The following ASXL3 variants were observed in gnomAD, a reference collection of about 807,000 sequenced individuals.
ASXL3 encodes the protein putative Polycomb group protein ASXL3.
Under a neutral mutation model 170.6 loss-of-function variants are expected in ASXL3, and 34 were observed. That is an observed-to-expected ratio of 0.20 (90% CI 0.15 to 0.27). ASXL3 has a LOEUF of 0.27. Among genes scored for constraint, ASXL3 ranks in the 10% least tolerant of loss-of-function variants. The pLI is 1.00. For synonymous variants in ASXL3, 1,002 were observed against 989.1 expected (o/e 1.01, Z -0.24); for missense variants, 2,592 against 2,695.3 (o/e 0.96, Z 0.85).
At chr18:33,737,512 C>T (rs564911066) in intron 10 of ASXL3, among the ~76,000 whole-genome samples, 173 of 152,092 alleles carry the variant, frequency 1.1e-3, no homozygotes, top group Non-Finnish European at 1.5e-3. Flanking sequence ...TTTACAGTAC[C>T]CTTGATTGTA....
chr18:33,592,822 A>G (rs1043357443), intron 1 of ASXL3, among the ~76,000 whole-genome samples: 1 of 152,122 alleles, frequency 6.6e-6, no homozygotes, highest in Non-Finnish European at 1.5e-5. Flanking sequence ...TTCCTTCTCC[A>G]TTACATTAAA....
At chr18:33,664,550 G>A (rs972698853) in intron 5 of ASXL3, among the ~76,000 whole-genome samples, 6 of 152,172 alleles carry the variant, frequency 3.9e-5, no homozygotes, top group Non-Finnish European at 7.4e-5. Context: ...ATTAACCAGC[G>A]TAGACTCTTA....
At chr18:33,578,803 G>A (rs958446594) in intron 1 of ASXL3, 118 bp downstream of exon 1, 15 of 609,236 alleles carry the variant, frequency 2.5e-5, no homozygotes, top group Non-Finnish European at 3.1e-5. Context: ...CGCTCGCCGG[G>A]CTCCTGCTCT....
chr18:33,645,491 T>G (rs1322508158), intron 3 of ASXL3, among the ~76,000 whole-genome samples: 2 of 151,906 alleles, frequency 1.3e-5, no homozygotes. Flanking sequence ...TAATGCACAC[T>G]TGTATGAGAA....
At chr18:33,721,063 T>A (rs1031854528) in intron 8 of ASXL3, among the ~76,000 whole-genome samples, 10 of 152,050 alleles carry the variant, frequency 6.6e-5, no homozygotes, top group African/African-American at 9.7e-5. Context: ...CTTTCCTGAT[T>A]ATATATTCTG....
intron 5 of ASXL3, among the ~76,000 whole-genome samples, chr18:33,670,193 G>C (rs1162297821): frequency 6.6e-6 from 1 of 152,212 alleles, no homozygotes; most frequent in Non-Finnish European, 1.5e-5. Flanking sequence ...GGCTGAGTGA[G>C]TGCATCAATA....
intron 8 of ASXL3, among the ~76,000 whole-genome samples, chr18:33,693,418 G>A (rs4799711): frequency 0.51 from 77,350 of 151,850 alleles, 20,268 homozygotes; most frequent in East Asian, 0.87. Context: ...TTAGAAAAAC[G>A]AAGAAAAAAG....
At chr18:33,584,304 C>T (rs945999816) in intron 1 of ASXL3, among the ~76,000 whole-genome samples, 5 of 151,844 alleles carry the variant, frequency 3.3e-5, no homozygotes, top group South Asian at 2.1e-4. Flanking sequence ...AATGTAATTG[C>T]GATCAGATTG....
rs2067761355 is a variant in ASXL3, at chr18:33,745,361, A to C, written c.5513A>C (p.His1838Pro). ...KKRVARTVGEHTQVKCEPGKL... is the reference protein window; with the variant it reads ...KKRVARTVGEPTQVKCEPGKL... ...AGAGTAGCTAGGACTGTAGGAGAACACACTCAAGTTAAATGTGAACCAGGA... is the reference window on the plus strand; with the variant it reads ...AGAGTAGCTAGGACTGTAGGAGAACCCACTCAAGTTAAATGTGAACCAGGA... Residue 1838 changes from histidine to proline, a missense_variant, in exon 12 of 12, where the codon CAC (histidine) becomes CCC (proline). Around this residue, in one of 4 missense-constraint regions of ASXL3, gnomAD observed 2,246 missense variants for 2,219.6 expected, o/e 1.01. Transcript: ENST00000269197. 1.2e-6 allele frequency: 2 copies of C among 1,613,906 alleles called. No individual in the cohort carries two copies. Among genetic ancestry groups the C allele is most frequent in the Admixed American group, 3.3e-5 (2 of 60,008 alleles).
chr18:33,646,885 G>C lies in ASXL3; in HGVS notation c.355+532G>C, dbSNP rs111265748. ...TCCAGAATTTTAAGGGGGAGCGGGG[G>C]GGGGGGGCATTTTTCACCTCTGAAT... On this transcript the variant is annotated intron_variant, in intron 4 of 11. Coordinates refer to ENST00000269197, the MANE Select transcript of ASXL3 (RefSeq NM_030632.3). Among the ~76,000 whole-genome samples, 109 of 147,734 alleles carry C rather than the reference G, an allele frequency of 7.4e-4. 8 individuals carry two copies. The highest frequency in any genetic ancestry group is 2.2e-3 in the African/African-American group (87 of 40,104).
chr18:33,733,989 C>T (rs930885951), intron 9 of ASXL3, among the ~76,000 whole-genome samples: 11 of 145,606 alleles, frequency 7.6e-5, no homozygotes, highest in African/African-American at 2.5e-4. Flanking sequence ...TCCTTAAGGA[C>T]AGTGAATATA....
intron 11 of ASXL3, 70 bp downstream of exon 11, chr18:33,740,513 A>G (rs1162370665): frequency 1.5e-5 from 21 of 1,370,294 alleles, no homozygotes; most frequent in African/African-American, 2.9e-5. Context: ...TAATTTTTCA[A>G]GAGTAATTAG....
In ASXL3 at chr18:33,745,911, G is replaced by GCCCCCCC; in HGVS notation, c.6065_6066insCCCCCCC (p.Pro2025SerfsTer25). ...CACTAGTACATCCGCCGCCGCCACC[G>GCCCCCCC]CCTCCCCCTCCCCCTCCACCCTTGG... On this transcript the variant is annotated frameshift_variant, in exon 12 of 12. Coordinates refer to ENST00000269197, the MANE Select transcript of ASXL3 (RefSeq NM_030632.3). LOFTEE classifies it high-confidence loss of function. 3.2e-6 allele frequency: 5 copies of GCCCCCCC among 1,585,662 alleles called. No homozygotes were observed. The highest frequency in any genetic ancestry group is 2.6e-6 in the Non-Finnish European group (3 of 1,168,362).
intron 8 of ASXL3, among the ~76,000 whole-genome samples, chr18:33,730,509 C>T (rs2067424839): frequency 6.6e-6 from 1 of 152,162 alleles, no homozygotes; most frequent in South Asian, 2.1e-4. Flanking sequence ...GCATAAACCA[C>T]ACTGCAGAGG....
chr18:33,641,265 T>C (rs2065842271), intron 2 of ASXL3, among the ~76,000 whole-genome samples: 1 of 152,080 alleles, frequency 6.6e-6, no homozygotes. Flanking sequence ...GTAAAGCATC[T>C]CTAGGGGTTC....
At chr18:33,713,181 A>AATGAGGG (rs1321798966) in intron 8 of ASXL3, among the ~76,000 whole-genome samples, 1 of 149,534 alleles carries the variant, frequency 6.7e-6, no homozygotes, top group African/African-American at 2.5e-5. Flanking sequence ...ACAATACAAG[A>AATGAGGG]ATGAGGGGGA....
chr18:33,726,793 A>G (rs964133798), intron 8 of ASXL3, among the ~76,000 whole-genome samples: 2 of 152,126 alleles, frequency 1.3e-5, no homozygotes, highest in Admixed American at 6.6e-5. Context: ...ACACCCTCCA[A>G]AGGCTTTCCA....
At position 33,743,789 on chromosome 18, in the gene ASXL3, T is replaced by C. The variant is rs1206035404; in HGVS notation, c.3941T>C (p.Ile1314Thr). 6.2e-7 allele frequency: 1 copy of C among 1,614,000 alleles called. No homozygotes were observed. ...PISATTEGSS[I>T]SSSMDDKQLL... ...TCAGCCACTACAGAGGGCTCCAGCA[T>C]ATCAAGCTCCATGGATGATAAGCAG... Residue 1314 changes from isoleucine to threonine, a missense_variant, in exon 12 of 12, where the codon ATA becomes ACA. Ile to Thr is a moderately conservative substitution (Grantham distance 89). Transcript: ENST00000269197.
chr18:33,722,339 G>A (rs1204651344), intron 8 of ASXL3, among the ~76,000 whole-genome samples: 4 of 152,082 alleles, frequency 2.6e-5, no homozygotes, highest in African/African-American at 7.2e-5. Context: ...ATAATTAGCC[G>A]AGTTGTGAAT....
Sources: gnomAD v4.1 joint callset for allele counts (sites outside exome capture counted in the v4.1 genomes callset) on GRCh38, gnomAD v4.1.1 for gene constraint, gnomAD v4.1.1 regional missense constraint, MANE v1.5 for transcripts, NCBI Gene and HGNC (gene_info 2026-07-23, HGNC 2026-07-21) for gene names.